Variants in MICAL1 observed in about 807,000 individuals in gnomAD.
The protein encoded by MICAL1 is [F-actin]-monooxygenase MICAL1.
Under a neutral mutation model 131.8 loss-of-function variants are expected in MICAL1, and 95 were observed. The observed-to-expected ratio is 0.72, with a 90% CI of 0.61 to 0.86. The LOEUF is 0.86. Ranked by LOEUF, MICAL1 falls within the 40% of genes least tolerant of loss-of-function variation. MICAL1 has a pLI of 0.00. For synonymous variants in MICAL1, 546 were observed against 554.2 expected (o/e 0.99, Z 0.21); for missense variants, 1,292 against 1,380.6 (o/e 0.94, Z 1.02).
chr6:109,449,527 C>T, intron 10 of MICAL1, 46 bp from the exon 11 acceptor site: 1 of 1,612,884 alleles, frequency 6.2e-7, no homozygotes, highest in Non-Finnish European at 8.5e-7. Flanking sequence ...GCCACACAGC[C>T]CCTGAGTCCA....
rs767104573 is a variant in MICAL1, at chr6:109,444,904, G to A, written c.2973C>T (p.Leu991=). ...KNSLVAEEAE[L]MITVQELNLE... is the part of the protein sequence containing the mutation. The stretch of plus-strand genomic sequence containing the variant: ...CATCCCCTTCCCCTTACGTGATCAT[G>A]AGCTCGGCCTCCTCAGCCACCAGGC... The change falls in exon 23 of 25, where the codon CTC becomes CTT. Residue 991 remains leucine (L), a synonymous_variant. Transcript: ENST00000358807. The A allele has an allele frequency of 3.1e-6, 5 of 1,614,158 alleles. No individual in the cohort carries two copies. Among genetic ancestry groups the A allele is most frequent in the Middle Eastern group, 1.6e-4 (1 of 6,062 alleles).
intron 1 of MICAL1, chr6:109,465,025 T>G (rs567889730): frequency 8.5e-5 from 13 of 152,296 alleles, no homozygotes; most frequent in Admixed American, 7.2e-4. Context: ...TTTACCTTCA[T>G]GAAAATCAAA....
At position 109,454,239 on chromosome 6, in the gene MICAL1, G is replaced by T; in HGVS notation, c.-43C>A. On this transcript the variant is annotated splice_region_variant and 5_prime_UTR_variant, in exon 2 of 25. Coordinates refer to ENST00000358807, the MANE Select transcript of MICAL1 (RefSeq NM_022765.4). ...GGCAGCAGCTGGGCAGAGATGAGTG[G>T]CTGGAGAGGTGGAAAAAGAAGGGGA... 6.4e-7 allele frequency: 1 copy of T among 1,553,940 alleles called. No individual in the cohort carries two copies. The highest frequency in any genetic ancestry group is 2.4e-5 in the East Asian group (1 of 41,644).
At chr6:109,452,734 GA>G (rs1415320932) in intron 4 of MICAL1, 119 bp from the exon 5 acceptor site, 8 of 706,448 alleles carry the variant, frequency 1.1e-5, no homozygotes. Context: ...AGAAAGCAAT[GA>G]TATATTATCT....
intron 1 of MICAL1, chr6:109,464,923 A>T (rs571643171): frequency 2.6e-5 from 4 of 152,334 alleles, no homozygotes; most frequent in Non-Finnish European, 5.9e-5. Context: ...GTAGATCAAC[A>T]TTTTCAGGAG....
intron 12 of MICAL1, 55 bp downstream of exon 12, chr6:109,448,677 A>G (rs975944625): frequency 2.5e-6 from 4 of 1,600,446 alleles, no homozygotes; most frequent in Non-Finnish European, 3.4e-6. Context: ...TCAACTGGAT[A>G]TGCTAACTCC....
Position 109,447,401 on chromosome 6 carries a change from G to T in MICAL1, c.2026C>A (p.Pro676Thr). The T allele has an allele frequency of 1.2e-6, 2 of 1,613,780 alleles. No homozygotes were observed. The highest frequency in any genetic ancestry group is 1.7e-6 in the Non-Finnish European group (2 of 1,179,904). ...GGTGTCAGGGGTACACCAGGCTCTG[G>T]GTCAGGTGGCACCTCAGTACTTGGG... ...ETPSTEVPPD[P>T]EPGVPLTPPS... The change falls in exon 16 of 25, where the codon CCA becomes ACA. Residue 676 changes from proline (P) to threonine (T), a missense_variant. Pro to Thr is a conservative substitution (Grantham distance 38, BLOSUM62 -1). Coordinates refer to ENST00000358807, the MANE Select transcript of MICAL1 (RefSeq NM_022765.4).
intron 18 of MICAL1, 54 bp from the exon 19 acceptor site, chr6:109,446,466 G>C (rs780875392): frequency 6.4e-6 from 5 of 780,956 alleles, no homozygotes; most frequent in Non-Finnish European, 9.0e-6. Context: ...CCCCTTCGGA[G>C]CAAAGGTGAG....
At chr6:109,448,528 C>T (rs1012894982) in intron 12 of MICAL1, 135 bp from the exon 13 acceptor site, 12 of 1,275,616 alleles carry the variant, frequency 9.4e-6, no homozygotes, top group East Asian at 4.6e-5. Flanking sequence ...TGTGTAGTCT[C>T]TGCTACCCAG....
rs1775572214 is a variant in MICAL1, at chr6:109,452,250, G to A, written c.828C>T (p.Ala276=). ...NQSFFQSLLK[A]TGIDLENIVY... ...TTCAGCAAGAGGGTCCCTGACCTGTGGCTTTGAGAAGGCTCTGGAAGAAGC... is the reference window on the plus strand; with the variant it reads ...TTCAGCAAGAGGGTCCCTGACCTGTAGCTTTGAGAAGGCTCTGGAAGAAGC... The change falls in exon 6 of 25, where the codon GCC becomes GCT. Residue 276 remains alanine, a synonymous_variant. Coordinates refer to ENST00000358807, the MANE Select transcript of MICAL1 (RefSeq NM_022765.4). The A allele has an allele frequency of 1.2e-6, 2 of 1,612,858 alleles. No homozygotes were observed. Among genetic ancestry groups the A allele is most frequent in the African/African-American group, 2.7e-5 (2 of 74,882 alleles).
rs767284787 is a variant in MICAL1 at position 109,451,727 on chromosome 6, G to T, written c.833-27C>A. 4 of 1,612,480 alleles carry T rather than the reference G, an allele frequency of 2.5e-6. No homozygotes were observed. In the African/African-American group the frequency reaches 5.3e-5, roughly 22 times the overall value. ...TGGGGGTACAGGGCAGGGGACAGTA[G>T]ATATGTCTCCTGATAATGCATCACC... On this transcript the variant is annotated intron_variant, in intron 6 of 24. Coordinates refer to ENST00000358807, the MANE Select transcript of MICAL1 (RefSeq NM_022765.4).
chr6:109,458,681 C>G (rs910408246), upstream of MICAL1, among the ~76,000 whole-genome samples: 1 of 152,194 alleles, frequency 6.6e-6, no homozygotes, highest in African/African-American at 2.4e-5. Context: ...TGAGCCATTA[C>G]GACAGGATCC....
upstream of MICAL1, among the ~76,000 whole-genome samples, chr6:109,458,511 G>A (rs1212606909): frequency 1.3e-5 from 2 of 152,168 alleles, no homozygotes; most frequent in African/African-American, 4.8e-5. Context: ...CAGGAGAATC[G>A]CTTGAACTCG....
exon 1 of MICAL1, chr6:109,465,965 T>G (rs757524152): frequency 6.2e-7 from 1 of 1,614,244 alleles, no homozygotes; most frequent in Non-Finnish European, 8.5e-7. Flanking sequence ...TACTTGTAGC[T>G]AAATGGAGCT....
intron 1 of MICAL1, chr6:109,464,945 T>C (rs1310449884): frequency 6.6e-6 from 1 of 152,216 alleles, no homozygotes; most frequent in Non-Finnish European, 1.5e-5. Flanking sequence ...TCAGTTAGAA[T>C]TCAGTAGAGT....
At position 109,447,226 on chromosome 6, in the gene MICAL1, C is replaced by T. The variant is rs143283451; in HGVS notation, c.2074G>A (p.Gly692Ser). The change falls in exon 17 of 25, where the codon GGT (glycine) becomes AGT (serine). Residue 692 changes from glycine to serine, a missense_variant. Physicochemically the swap from Gly to Ser is moderately conservative, Grantham distance 56. Coordinates refer to ENST00000358807, the MANE Select transcript of MICAL1 (RefSeq NM_022765.4). ...CAAAGTGCACACAGGTCCCCAGCAC[C>T]GGCCTGCGTGGACCCCCAGGACACA... ...LTPPSQHQEA[G>S]AGDLCALCGE... 4.8e-5 allele frequency: 78 copies of T among 1,614,028 alleles called. 1 individual carries two copies. The highest frequency in any genetic ancestry group is 1.6e-4 in the South Asian group (15 of 91,084).
chr6:109,465,604 C>A (rs1776014660), intron 1 of MICAL1: 1 of 1,508,554 alleles, frequency 6.6e-7, no homozygotes. Flanking sequence ...CTTTATGAGA[C>A]ATTGCAGATT....
chr6:109,446,800 A>C (rs778569183), intron 17 of MICAL1, 28 bp from the exon 18 acceptor site: 2 of 1,603,204 alleles, frequency 1.2e-6, no homozygotes, highest in Admixed American at 3.4e-5. Flanking sequence ...GGGAGGAGGC[A>C]TTTGGTGTGG....
At position 109,444,189 on chromosome 6, in the gene MICAL1, G is replaced by A. The variant is rs142665619; in HGVS notation, c.*2C>T. 105 of 1,611,698 alleles carry A rather than the reference G, an allele frequency of 6.5e-5. No individual in the cohort carries two copies. In the African/African-American group the frequency reaches 7.3e-4, roughly 11 times the overall value. ...GAACGAAAGCAGACGGCCCACCCTC[G>A]TCTAGCCCTGGGCCCCTGTCCCCAA... On this transcript the variant is annotated 3_prime_UTR_variant, in exon 25 of 25. Transcript: ENST00000358807.
Sources: gnomAD v4.1 joint callset for allele counts (sites outside exome capture counted in the v4.1 genomes callset) on GRCh38, gnomAD v4.1.1 for gene constraint, MANE v1.5 for transcripts, NCBI Gene and HGNC (gene_info 2026-07-23, HGNC 2026-07-21) for gene names.